The following PTGER3 variants were observed in gnomAD, a reference collection of about 807,000 sequenced individuals.
PTGER3 encodes prostaglandin E2 receptor EP3 subtype.
PTGER3 carries 22 observed loss-of-function variants against 34.7 expected under a neutral mutation model. The observed-to-expected ratio is 0.63, with a 90% CI of 0.45 to 0.91. The LOEUF (loss-of-function observed/expected upper bound fraction) is 0.91. Among genes scored for constraint, PTGER3 ranks in the 40% least tolerant of loss-of-function variants. The pLI is 0.00. For synonymous variants in PTGER3, 241 were observed against 230.1 expected, an observed-to-expected ratio of 1.05 and a Z score of -0.43; for missense variants, 468 against 519.4, an observed-to-expected ratio of 0.90 and a Z score of 0.96.
Position 70,910,567 on chromosome 1 carries a change from T to A in PTGER3, c.*23+43196A>T, listed in dbSNP as rs993378401. Among the ~76,000 whole-genome samples, 6 of 152,260 alleles carry A rather than the reference T, an allele frequency of 3.9e-5. No homozygotes were observed. In the East Asian group the frequency reaches 1.2e-3, roughly 29 times the overall value. On this transcript the variant is annotated intron_variant, in intron 4 of 4. Transcript: ENST00000370931. The stretch of plus-strand genomic sequence containing the variant: ...GGGATTACAGGTATGAGCCACTGAC[T>A]GTAGCTTTGAATGAATACCTTAAAA...
intron 4 of PTGER3, among the ~76,000 whole-genome samples, chr1:70,909,109 A>C (rs1647009588): frequency 6.6e-6 from 1 of 152,228 alleles, no homozygotes; most frequent in Non-Finnish European, 1.5e-5. Context: ...GGATGGTTAC[A>C]TAAATTATGG....
At chr1:70,994,760 C>G (rs577302402) in intron 2 of PTGER3, among the ~76,000 whole-genome samples, 2 of 152,238 alleles carry the variant, frequency 1.3e-5, no homozygotes, top group African/African-American at 4.8e-5. Context: ...CCAGCCAAAA[C>G]TTAATTTTTA....
intron 2 of PTGER3, among the ~76,000 whole-genome samples, chr1:70,984,908 T>A (rs1325446766): frequency 6.6e-6 from 1 of 152,206 alleles, no homozygotes; most frequent in African/African-American, 2.4e-5. Flanking sequence ...AAATGTACTC[T>A]AAATCTTCAA....
intron 4 of PTGER3, among the ~76,000 whole-genome samples, chr1:70,934,597 A>G (rs2100513637): frequency 6.6e-6 from 1 of 152,336 alleles, no homozygotes; most frequent in Non-Finnish European, 1.5e-5. Flanking sequence ...ATTTAAAAAT[A>G]CTAAACTATA....
chr1:70,958,658 C>T (rs1026304738), intron 2 of PTGER3, among the ~76,000 whole-genome samples: 8 of 152,100 alleles, frequency 5.3e-5, no homozygotes, highest in African/African-American at 1.4e-4. Context: ...ATTTCCTTTG[C>T]TGTACAGAAG....
intron 1 of PTGER3, among the ~76,000 whole-genome samples, chr1:71,040,169 G>A (rs980296365): frequency 4.6e-5 from 7 of 151,474 alleles, no homozygotes; most frequent in Non-Finnish European, 1.0e-4. Flanking sequence ...AGAGAGAGGA[G>A]GAGAGGGAAG....
At chr1:70,999,793 A>G (rs1256192074) in intron 2 of PTGER3, among the ~76,000 whole-genome samples, 1 of 152,240 alleles carries the variant, frequency 6.6e-6, no homozygotes, top group Non-Finnish European at 1.5e-5. Flanking sequence ...CCAAATTGTG[A>G]TAAACTCTTG....
chr1:70,897,409 C>A (rs1646744440), intron 4 of PTGER3, among the ~76,000 whole-genome samples: 1 of 152,102 alleles, frequency 6.6e-6, no homozygotes, highest in Non-Finnish European at 1.5e-5. Context: ...ACTACAATAA[C>A]CACTAAGTGA....
intron 2 of PTGER3, among the ~76,000 whole-genome samples, chr1:70,981,325 TTCTTTC>T (rs1654272916): frequency 2.0e-5 from 1 of 50,900 alleles, no homozygotes; most frequent in Non-Finnish European, 3.8e-5. Flanking sequence ...CCTTTCTTCT[TTCTTTC>T]TTTCTTTCTT....
At chr1:70,939,893 A>C (rs1278364419) in intron 4 of PTGER3, among the ~76,000 whole-genome samples, 1 of 152,208 alleles carries the variant, frequency 6.6e-6, no homozygotes, top group Non-Finnish European at 1.5e-5. Flanking sequence ...CTCGGGGATT[A>C]ACATTCGGCT....
exon 4 of PTGER3, chr1:70,952,946 A>G: frequency 1.2e-6 from 2 of 1,613,096 alleles, no homozygotes; most frequent in Non-Finnish European, 1.7e-6. Flanking sequence ...TGTACACATT[A>G]ATGCTGCTCA....
At chr1:70,946,277 T>C (rs1327378651) in intron 4 of PTGER3, among the ~76,000 whole-genome samples, 1 of 152,098 alleles carries the variant, frequency 6.6e-6, no homozygotes, top group Non-Finnish European at 1.5e-5. Flanking sequence ...CCAGGCCCCA[T>C]TTGAAGCCTT....
At chr1:70,991,927 G>A (rs1033112066) in intron 2 of PTGER3, among the ~76,000 whole-genome samples, 3 of 152,048 alleles carry the variant, frequency 2.0e-5, no homozygotes, top group African/African-American at 7.3e-5. Context: ...GATCCTATAA[G>A]GTTAGGAAAG....
At chr1:70,896,111 T>C (rs1293933968) in intron 4 of PTGER3, among the ~76,000 whole-genome samples, 1 of 152,212 alleles carries the variant, frequency 6.6e-6, no homozygotes, top group Non-Finnish European at 1.5e-5. Context: ...GTAGGATGCA[T>C]GTATTTTCTC....
intron 4 of PTGER3, among the ~76,000 whole-genome samples, chr1:70,911,297 T>C (rs771056597): frequency 2.0e-4 from 30 of 151,478 alleles, no homozygotes; most frequent in Non-Finnish European, 4.1e-4. Context: ...TACTCAGTCA[T>C]ACTAATGCAT....
chr1:71,009,011 T>G (rs1053260811), intron 2 of PTGER3: 18 of 984,228 alleles, frequency 1.8e-5, no homozygotes, highest in Non-Finnish European at 2.1e-5. Context: ...TATTTTCTTT[T>G]TCTGAGTTGA....
At chr1:70,955,198 G>A (rs1651193409) in intron 2 of PTGER3, among the ~76,000 whole-genome samples, 1 of 152,102 alleles carries the variant, frequency 6.6e-6, no homozygotes, top group Admixed American at 6.6e-5. Context: ...CCTTGAGGAA[G>A]TAAGTTAATT....
At chr1:70,932,196 C>T (rs1648772656) in intron 4 of PTGER3, among the ~76,000 whole-genome samples, 1 of 152,160 alleles carries the variant, frequency 6.6e-6, no homozygotes, top group Non-Finnish European at 1.5e-5. Flanking sequence ...AGTTCCTCAT[C>T]TCCATCTGAG....
chr1:70,950,652 C>G (rs534530596), downstream of PTGER3: 3 of 152,124 alleles, frequency 2.0e-5, no homozygotes, highest in Non-Finnish European at 4.4e-5. Flanking sequence ...ATAAATATGC[C>G]TCTCCTTTTA....
Sources: allele counts gnomAD v4.1 joint callset (sites outside exome capture counted in the v4.1 genomes callset), GRCh38; gene constraint gnomAD v4.1.1; transcripts MANE v1.5; gene names NCBI Gene and HGNC (gene_info 2026-07-23, HGNC 2026-07-21).